The following IKBKB variants were observed in gnomAD, a reference collection of about 807,000 sequenced individuals.
The protein encoded by IKBKB is inhibitor of nuclear factor kappa B kinase subunit beta, also known as inhibitor of nuclear factor kappa-B kinase subunit beta.
In IKBKB, 42 loss-of-function variants were observed where a neutral mutation model predicts 113.6. The ratio of observed to expected loss-of-function variants is 0.37; its 90% confidence interval spans 0.29 to 0.48. The LOEUF is 0.48. Ranked by LOEUF, IKBKB falls within the 20% of genes least tolerant of loss-of-function variation. The probability of loss-of-function intolerance (pLI) is 0.99; values close to 1 mark genes in which losing one functional copy is unlikely to be tolerated. For missense variants in IKBKB, 673 were observed against 939.7 expected, an observed-to-expected ratio of 0.72 and a Z score of 3.71; for synonymous variants, 296 against 361.3, an observed-to-expected ratio of 0.82 and a Z score of 2.05.
chr8:42,323,557 T>A (rs1355270125), intron 19 of IKBKB, among the ~76,000 whole-genome samples: 1 of 152,130 alleles, frequency 6.6e-6, no homozygotes, highest in African/African-American at 2.4e-5. Flanking sequence ...TCAGTTTCCC[T>A]TAAGAGCAAA....
intron 12 of IKBKB, among the ~76,000 whole-genome samples, chr8:42,317,987 C>T (rs776247283): frequency 5.9e-5 from 9 of 152,078 alleles, no homozygotes; most frequent in South Asian, 2.1e-4. Flanking sequence ...CTAGGACGGG[C>T]GTGGTGGCTC....
chr8:42,284,845 C>T lies in IKBKB; in HGVS notation c.106-3789C>T, dbSNP rs570994455. Among the ~76,000 whole-genome samples, 16 of 144,884 alleles carry T rather than the reference C, an allele frequency of 1.1e-4. No homozygotes were observed. The South Asian group carries it at 3.0e-3, about 27-fold the overall frequency. ...ATGGTCTGCACATCAATTAAAGAAA[C>T]GTTATTCTTTTTTTTTTTTTTTTTT... On this transcript the variant is annotated intron_variant, in intron 2 of 21. Coordinates refer to ENST00000520810, the MANE Select transcript of IKBKB (RefSeq NM_001556.3).
chr8:42,317,885 G>A (rs147015322), intron 12 of IKBKB, 114 bp downstream of exon 12: 18 of 752,876 alleles, frequency 2.4e-5, no homozygotes, highest in Non-Finnish European at 3.8e-5. Flanking sequence ...AATTAATATC[G>A]CCAGTCCTCA....
At position 42,321,964 on chromosome 8, in the gene IKBKB, C is replaced by CTT; in HGVS notation, c.1738+20_1738+21insTT. The CTT allele has an allele frequency of 6.2e-7, 1 of 1,612,522 alleles. No individual in the cohort carries two copies. Among genetic ancestry groups the CTT allele is most frequent in the Non-Finnish European group, 8.5e-7 (1 of 1,178,668 alleles). Reference sequence around the variant, plus strand: ...CCTCGAGGTAAGTGGGGTTCTGTGTCTGCCTTGGGCTTCTCCTTATCTCAT... The same window carrying CTT: ...CCTCGAGGTAAGTGGGGTTCTGTGTCTTTGCCTTGGGCTTCTCCTTATCTCAT... On this transcript the variant is annotated intron_variant, in intron 17 of 21. Coordinates refer to ENST00000520810, the MANE Select transcript of IKBKB (RefSeq NM_001556.3).
chr8:42,305,171 C>T lies in IKBKB; in HGVS notation c.389-16C>T. On this transcript the variant is annotated splice_polypyrimidine_tract_variant and intron_variant, in intron 5 of 21. Transcript: ENST00000520810. ...ATTTTTTAGGCCTAAGAAAAACTCA[C>T]CCCCCTCTTCCTCAGCCTCTGCGCT... 1 of 1,591,590 alleles carries T rather than the reference C, an allele frequency of 6.3e-7. No homozygotes were observed.
At chr8:42,276,905 C>G (rs1336088273) in intron 2 of IKBKB, among the ~76,000 whole-genome samples, 22 of 127,198 alleles carry the variant, frequency 1.7e-4, no homozygotes, top group Middle Eastern at 6.0e-3. Context: ...CTCGCTCTGT[C>G]GCCCAAGCTG....
chr8:42,289,612 G>A (rs1481964103), intron 3 of IKBKB, among the ~76,000 whole-genome samples: 1 of 152,098 alleles, frequency 6.6e-6, no homozygotes, highest in African/African-American at 2.4e-5. Flanking sequence ...CCAAGCAGGG[G>A]CTCCTCTGCC....
intron 19 of IKBKB, among the ~76,000 whole-genome samples, chr8:42,324,439 A>G (rs937786076): frequency 1.3e-5 from 2 of 151,920 alleles, no homozygotes. Context: ...TAATTTTTGT[A>G]TTTTTAGTGG....
At chr8:42,283,164 TGTG>T (rs1263213833) in intron 2 of IKBKB, among the ~76,000 whole-genome samples, 5 of 152,188 alleles carry the variant, frequency 3.3e-5, no homozygotes, top group Non-Finnish European at 7.3e-5. Context: ...GTCCAGTGTT[TGTG>T]TTGGGCAAAA....
intron 2 of IKBKB, among the ~76,000 whole-genome samples, chr8:42,274,871 T>TTTTG (rs1184601546): frequency 3.5e-5 from 5 of 144,106 alleles, no homozygotes; most frequent in Admixed American, 1.4e-4. Flanking sequence ...ATCAGTTTTT[T>TTTTG]TTTGTTTGTT....
At chr8:42,294,002 A>G (rs886261397) in intron 5 of IKBKB, among the ~76,000 whole-genome samples, 5 of 152,206 alleles carry the variant, frequency 3.3e-5, no homozygotes, top group African/African-American at 1.2e-4. Context: ...CAAGCTGGCC[A>G]TTCATGGAGA....
At chr8:42,300,749 T>C (rs1478064425) in intron 5 of IKBKB, among the ~76,000 whole-genome samples, 1 of 152,268 alleles carries the variant, frequency 6.6e-6, no homozygotes, top group Non-Finnish European at 1.5e-5. Flanking sequence ...GCTGTTATCT[T>C]CCTATGGCAA....
intron 5 of IKBKB, 35 bp from the exon 6 acceptor site, chr8:42,305,152 T>C (rs781102959): frequency 1.4e-6 from 2 of 1,424,020 alleles, no homozygotes; most frequent in Admixed American, 3.4e-5. Context: ...AAGCATTTTT[T>C]AGGCCTAAGA....
intron 5 of IKBKB, among the ~76,000 whole-genome samples, chr8:42,303,127 G>T (rs911743034): frequency 6.7e-5 from 10 of 148,838 alleles, no homozygotes; most frequent in African/African-American, 2.6e-5. Context: ...GAATGAGAGA[G>T]AGAGAGAGAG....
At chr8:42,271,725 T>C (rs576799987) in intron 1 of IKBKB, 36 of 504,044 alleles carry the variant, frequency 7.1e-5, no homozygotes, top group Non-Finnish European at 1.2e-4. Context: ...ACCTCGGCGA[T>C]GCTCAGAAGT....
chr8:42,322,752 A>G (rs536083902), intron 19 of IKBKB, among the ~76,000 whole-genome samples: 77 of 152,320 alleles, frequency 5.1e-4, no homozygotes, highest in Non-Finnish European at 8.8e-4. Context: ...CTGAGGGGCT[A>G]AAACAACAGA....
intron 4 of IKBKB, among the ~76,000 whole-genome samples, chr8:42,292,323 G>A (rs1246522460): frequency 1.3e-5 from 2 of 152,172 alleles, no homozygotes; most frequent in Non-Finnish European, 1.5e-5. Flanking sequence ...AAGAGCCAAC[G>A]AGCCAGGGAA....
chr8:42,276,852 C>A (rs1473520150), intron 2 of IKBKB, among the ~76,000 whole-genome samples: 6 of 150,452 alleles, frequency 4.0e-5, no homozygotes, highest in Non-Finnish European at 5.9e-5. Flanking sequence ...CGCCATCACA[C>A]CCGGCTAATT....
intron 3 of IKBKB, 127 bp downstream of exon 3, chr8:42,288,855 G>C: frequency 1.6e-6 from 1 of 623,330 alleles, no homozygotes; most frequent in African/African-American, 1.9e-5. Context: ...AGGCCAAGGC[G>C]GGCAGATCAC....
Sources: gnomAD v4.1 joint callset for allele counts (sites outside exome capture counted in the v4.1 genomes callset) on GRCh38, gnomAD v4.1.1 for gene constraint, MANE v1.5 for transcripts, NCBI Gene and HGNC (gene_info 2026-07-23, HGNC 2026-07-21) for gene names.